Variants in SAE1 observed in about 807,000 individuals in gnomAD.
The protein encoded by SAE1 is SUMO1 activating enzyme subunit 1.
SAE1 carries 11 observed loss-of-function variants against 40.6 expected under a neutral mutation model. The observed-to-expected ratio is 0.27, with a 90% CI of 0.17 to 0.45. SAE1 has a LOEUF of 0.45. Among genes scored for constraint, SAE1 ranks in the 20% least tolerant of loss-of-function variants. The pLI is 1.00. For synonymous variants in SAE1, 155 were observed against 154.3 expected (o/e 1.00, Z -0.03); for missense variants, 373 against 427.3 (o/e 0.87, Z 1.12).
Position 47,137,520 on chromosome 19 carries a change from G to C in SAE1, c.99-5974G>C, listed in dbSNP as rs572380647. On this transcript the variant is annotated intron_variant, in intron 1 of 8. Transcript: ENST00000270225. ...ATTACAACTAAAATTTTTTTTTCTCGCTCTGTTACCCAGGCTGGAGTGCAG... is the reference window on the plus strand; with the variant it reads ...ATTACAACTAAAATTTTTTTTTCTCCCTCTGTTACCCAGGCTGGAGTGCAG... 1.0e-3 allele frequency among the ~76,000 whole-genome samples: 152 copies of C among 151,848 alleles called. 1 individual carries two copies. Among genetic ancestry groups the C allele is most frequent in the Non-Finnish European group, 2.5e-4 (17 of 67,986 alleles).
intron 5 of SAE1, among the ~76,000 whole-genome samples, chr19:47,157,374 C>T (rs1021934617): frequency 6.6e-6 from 1 of 152,144 alleles, no homozygotes. Flanking sequence ...CGGAGGAGTA[C>T]AAAAGCTGCT....
intron 5 of SAE1, among the ~76,000 whole-genome samples, chr19:47,160,153 GAAGT>G (rs1015712315): frequency 5.4e-4 from 81 of 150,782 alleles, no homozygotes; most frequent in African/African-American, 1.9e-3. Flanking sequence ...GAAATATTTA[GAAGT>G]AAGTCACTCA....
chr19:47,196,387 G>A (rs1391992680), intron 6 of SAE1, among the ~76,000 whole-genome samples: 3 of 111,502 alleles, frequency 2.7e-5, no homozygotes, highest in African/African-American at 3.5e-5. Context: ...TTTTTGAGAC[G>A]GAGTCTCACT....
intron 7 of SAE1, among the ~76,000 whole-genome samples, chr19:47,200,161 C>CT (rs1458649458): frequency 6.6e-6 from 1 of 151,466 alleles, no homozygotes. Context: ...TCTTGATCTC[C>CT]TGACCTCATG....
At chr19:47,133,634 G>T (rs750022540) in intron 1 of SAE1, among the ~76,000 whole-genome samples, 21 of 152,176 alleles carry the variant, frequency 1.4e-4, no homozygotes, top group Non-Finnish European at 2.2e-4. Flanking sequence ...AAAAATATTG[G>T]TGGCTTGAAA....
At chr19:47,132,675 C>T (rs903052877) in intron 1 of SAE1, among the ~76,000 whole-genome samples, 3 of 151,730 alleles carry the variant, frequency 2.0e-5, no homozygotes, top group Non-Finnish European at 2.9e-5. Flanking sequence ...CCTCTTGAGC[C>T]CAGGAGTTTG....
intron 2 of SAE1, among the ~76,000 whole-genome samples, chr19:47,144,055 T>C (rs1347564069): frequency 1.3e-5 from 2 of 152,168 alleles, no homozygotes; most frequent in Non-Finnish European, 2.9e-5. Context: ...GTTTTAGGGC[T>C]GGACGCAGTG....
chr19:47,185,762 C>T (rs183233088), intron 6 of SAE1, among the ~76,000 whole-genome samples: 6 of 151,090 alleles, frequency 4.0e-5, no homozygotes, highest in East Asian at 2.0e-4. Flanking sequence ...CCACCACACC[C>T]GGCTAATTTT....
chr19:47,141,754 A>G (rs1033076807), intron 1 of SAE1, among the ~76,000 whole-genome samples: 14 of 152,282 alleles, frequency 9.2e-5, no homozygotes, highest in African/African-American at 3.4e-4. Context: ...GCAAACTCTT[A>G]CCAGCAGAAC....
intron 6 of SAE1, among the ~76,000 whole-genome samples, chr19:47,172,130 G>T (rs1319366995): frequency 1.3e-5 from 2 of 152,118 alleles, no homozygotes; most frequent in Non-Finnish European, 2.9e-5. Context: ...TGTTGGCCAG[G>T]CTGGCCTCAA....
chr19:47,142,338 C>T (rs577999865), intron 1 of SAE1, among the ~76,000 whole-genome samples: 15 of 150,568 alleles, frequency 1.0e-4, no homozygotes, highest in Non-Finnish European at 2.2e-4. Context: ...GAGCTGAGAT[C>T]ACGCCACTGC....
intron 6 of SAE1, among the ~76,000 whole-genome samples, chr19:47,190,568 G>A (rs1461427744): frequency 6.6e-6 from 1 of 152,174 alleles, no homozygotes; most frequent in East Asian, 1.9e-4. Context: ...TGGCTGGACT[G>A]ATTGGCCCCC....
At chr19:47,181,342 A>G (rs2058504598) in intron 6 of SAE1, among the ~76,000 whole-genome samples, 1 of 151,946 alleles carries the variant, frequency 6.6e-6, no homozygotes. Flanking sequence ...ATAATAAAAT[A>G]AAAAACAAAT....
intron 7 of SAE1, among the ~76,000 whole-genome samples, chr19:47,199,426 G>C (rs1031680974): frequency 6.7e-6 from 1 of 149,618 alleles, no homozygotes; most frequent in Admixed American, 6.7e-5. Flanking sequence ...CAGCAATAGA[G>C]TGGCAGTGCC....
At chr19:47,131,565 T>A (rs2058143079) in intron 1 of SAE1, among the ~76,000 whole-genome samples, 1 of 151,664 alleles carries the variant, frequency 6.6e-6, no homozygotes, top group Non-Finnish European at 1.5e-5. Context: ...CAAATGGGAA[T>A]CTTGAGAGGC....
chr19:47,141,101 G>C (rs1399543592), intron 1 of SAE1, among the ~76,000 whole-genome samples: 1 of 151,862 alleles, frequency 6.6e-6, no homozygotes, highest in African/African-American at 2.4e-5. Flanking sequence ...TCCCAGGTTT[G>C]AGTGATTCTC....
intron 2 of SAE1, among the ~76,000 whole-genome samples, chr19:47,144,193 G>A (rs1568586827): frequency 6.6e-6 from 1 of 152,160 alleles, no homozygotes; most frequent in Non-Finnish European, 1.5e-5. Context: ...AATTAGCCAG[G>A]CATGTTGGTG....
Position 47,203,870 on chromosome 19 carries a change from C to T in SAE1, c.948+130C>T. The T allele has an allele frequency of 3.8e-6, 3 of 779,576 alleles. No homozygotes were observed. In the Admixed American group the frequency reaches 6.9e-5, roughly 18 times the overall value. 48.3% of individuals were successfully genotyped at this position (779,576 alleles called of 1,614,324 possible). ...CATTCATCTTTGTTTCATGCCCTCC[C>T]CATTTCCACCTCATCCCATTTTCTC... On this transcript the variant is annotated intron_variant, in intron 8 of 8. Transcript: ENST00000270225.
At chr19:47,144,552 A>C (rs1401482047) in intron 2 of SAE1, among the ~76,000 whole-genome samples, 1 of 151,218 alleles carries the variant, frequency 6.6e-6, no homozygotes, top group Non-Finnish European at 1.5e-5. Context: ...ACAAAAAATT[A>C]GCAGGGCTTG....
Sources: allele counts gnomAD v4.1 joint callset (sites outside exome capture counted in the v4.1 genomes callset), GRCh38; gene constraint gnomAD v4.1.1; transcripts MANE v1.5; gene names NCBI Gene and HGNC (gene_info 2026-07-23, HGNC 2026-07-21).